RANBP9: variants seen among roughly 807,000 people sequenced by gnomAD.
The protein encoded by RANBP9 is ran-binding protein 9.
A neutral mutation model predicts 84.3 loss-of-function variants in RANBP9; 15 were observed. That is an observed-to-expected ratio of 0.18 (90% CI 0.12 to 0.27). RANBP9 has a LOEUF of 0.27. Among genes scored for constraint, RANBP9 ranks in the 10% least tolerant of loss-of-function variants. The pLI, the probability that RANBP9 is intolerant of heterozygous loss-of-function variation, is 1.00. For missense variants in RANBP9, 809 were observed against 912.8 expected (o/e 0.89, Z 1.46); for synonymous variants, 392 against 349.6 (o/e 1.12, Z -1.35).
At chr6:13,661,563 C>CA (rs1270946265) in intron 2 of RANBP9, among the ~76,000 whole-genome samples, 2 of 151,646 alleles carry the variant, frequency 1.3e-5, no homozygotes, top group Non-Finnish European at 2.9e-5. Flanking sequence ...TAGATGATAT[C>CA]ACCCAATGGA....
chr6:13,666,457 T>A (rs1424627293), intron 2 of RANBP9, among the ~76,000 whole-genome samples: 1 of 151,268 alleles, frequency 6.6e-6, no homozygotes, highest in Non-Finnish European at 1.5e-5. Flanking sequence ...ATAAAAACAA[T>A]TTTACACCAA....
intron 12 of RANBP9, among the ~76,000 whole-genome samples, chr6:13,630,344 T>C (rs1021198690): frequency 3.3e-5 from 5 of 152,192 alleles, no homozygotes; most frequent in South Asian, 2.1e-4. Context: ...TCTTTGAGAA[T>C]TGGCCATATA....
intron 13 of RANBP9, among the ~76,000 whole-genome samples, 158 bp downstream of exon 13, chr6:13,625,495 A>G (rs373070186): frequency 1.3e-5 from 2 of 152,314 alleles, no homozygotes; most frequent in South Asian, 4.1e-4. Context: ...ATCTGGAATT[A>G]AAGGAGGGGG....
intron 4 of RANBP9, among the ~76,000 whole-genome samples, chr6:13,654,291 A>C (rs1291513763): frequency 6.6e-6 from 1 of 152,216 alleles, no homozygotes; most frequent in East Asian, 1.9e-4. Flanking sequence ...TTCTATATTC[A>C]TAATTTCCTG....
chr6:13,654,427 C>T (rs1310240659), intron 4 of RANBP9, among the ~76,000 whole-genome samples: 1 of 152,052 alleles, frequency 6.6e-6, no homozygotes, highest in Admixed American at 6.5e-5. Context: ...CAAATAAAAC[C>T]TTTCTATTTT....
At chr6:13,658,276 T>C (rs1015715673) in intron 3 of RANBP9, among the ~76,000 whole-genome samples, 32 of 129,034 alleles carry the variant, frequency 2.5e-4, no homozygotes, top group African/African-American at 8.4e-4. Context: ...ATATATACTA[T>C]ATGTTTTACT....
intron 12 of RANBP9, among the ~76,000 whole-genome samples, chr6:13,626,546 C>G (rs1266085195): frequency 6.6e-6 from 1 of 152,186 alleles, no homozygotes; most frequent in Non-Finnish European, 1.5e-5. Context: ...TTAGCAGTAT[C>G]AGTTCATTCT....
Position 13,689,004 on chromosome 6 carries a change from A to AAAAAAAAAAAAAAAAG in RANBP9, c.683+7780_683+7781insCTTTTTTTTTTTTTTT, listed in dbSNP as rs374538732. ...CCACAAAAAAAAAAAAAAAAAAAAAATGCTGGGCATGGTGACGCACACCCA... is the reference window on the plus strand; with the variant it reads ...CCACAAAAAAAAAAAAAAAAAAAAAAAAAAAAAAAAAAAAAGTGCTGGGCATGGTGACGCACACCCA... On this transcript the variant is annotated intron_variant, in intron 2 of 13. Transcript: ENST00000011619. Among the ~76,000 whole-genome samples, 19 of 109,000 alleles carry AAAAAAAAAAAAAAAAG rather than the reference A, an allele frequency of 1.7e-4. 2 individuals are homozygous for AAAAAAAAAAAAAAAAG. Among genetic ancestry groups the AAAAAAAAAAAAAAAAG allele is most frequent in the African/African-American group, 4.7e-4 (13 of 27,648 alleles). 71.5% of individuals were successfully genotyped at this position (109,000 alleles called of 152,430 possible).
chr6:13,623,935 T>C (rs990904149), intron 13 of RANBP9, among the ~76,000 whole-genome samples: 3 of 152,194 alleles, frequency 2.0e-5, no homozygotes, highest in Admixed American at 6.5e-5. Context: ...GTAAGAAAAC[T>C]GGTCACTTTA....
At chr6:13,667,977 C>T (rs1454374244) in intron 2 of RANBP9, among the ~76,000 whole-genome samples, 1 of 151,618 alleles carries the variant, frequency 6.6e-6, no homozygotes, top group Non-Finnish European at 1.5e-5. Flanking sequence ...AAGCAGGTAG[C>T]AGAAAAGGAA....
At chr6:13,689,190 C>T (rs1234614127) in intron 2 of RANBP9, among the ~76,000 whole-genome samples, 1 of 151,670 alleles carries the variant, frequency 6.6e-6, no homozygotes, top group African/African-American at 2.4e-5. Flanking sequence ...AAACTGAAAG[C>T]TCCCTTCTAC....
At chr6:13,646,642 T>C (rs540512836) in intron 5 of RANBP9, among the ~76,000 whole-genome samples, 1 of 152,284 alleles carries the variant, frequency 6.6e-6, no homozygotes, top group South Asian at 2.1e-4. Flanking sequence ...CTATCAACAC[T>C]ATCAAAGACA....
chr6:13,710,846 G>C, intron 1 of RANBP9, 89 bp downstream of exon 1: 1 of 1,391,034 alleles, frequency 7.2e-7, no homozygotes, highest in Non-Finnish European at 9.7e-7. Flanking sequence ...CGCGAGGGCG[G>C]GGGTCGGGGG....
At chr6:13,667,157 C>T (rs2113300433) in intron 2 of RANBP9, among the ~76,000 whole-genome samples, 1 of 152,206 alleles carries the variant, frequency 6.6e-6, no homozygotes. Flanking sequence ...ACAAATTATG[C>T]ATTTATTAAC....
chr6:13,666,628 A>AAAAAAAAAAAAAAAAAAG (rs1765655659), intron 2 of RANBP9, among the ~76,000 whole-genome samples: 1 of 129,432 alleles, frequency 7.7e-6, no homozygotes, highest in African/African-American at 3.0e-5. Context: ...AAAAAAAAAA[A>AAAAAAAAAAAAAAAAAAG]GATTGGCAGG....
chr6:13,624,879 TCA>T (rs937426263), intron 13 of RANBP9, among the ~76,000 whole-genome samples: 15 of 152,214 alleles, frequency 9.9e-5, no homozygotes, highest in African/African-American at 3.1e-4. Context: ...TGCCGGGTAC[TCA>T]CAAGTCATCA....
At chr6:13,642,719 A>G in intron 6 of RANBP9, 128 bp from the exon 7 acceptor site, 1 of 512,262 alleles carries the variant, frequency 2.0e-6, no homozygotes, top group South Asian at 3.4e-5. Context: ...CAAGGCGTTA[A>G]GAACCTCACC....
At chr6:13,690,373 T>C (rs1211775487) in intron 2 of RANBP9, among the ~76,000 whole-genome samples, 1 of 152,230 alleles carries the variant, frequency 6.6e-6, no homozygotes, top group Admixed American at 6.5e-5. Flanking sequence ...GTGCTTCCAT[T>C]TGCTGCTTAC....
intron 2 of RANBP9, among the ~76,000 whole-genome samples, chr6:13,669,288 A>G (rs957125209): frequency 4.6e-5 from 7 of 152,214 alleles, no homozygotes; most frequent in Non-Finnish European, 1.0e-4. Flanking sequence ...ATGCTGTTAA[A>G]ATAGCAATAC....
Sources: allele counts gnomAD v4.1 joint callset (sites outside exome capture counted in the v4.1 genomes callset), GRCh38; gene constraint gnomAD v4.1.1; transcripts MANE v1.5; gene names NCBI Gene and HGNC (gene_info 2026-07-23, HGNC 2026-07-21).